The following KAT6B variants were observed in gnomAD, a reference collection of about 807,000 sequenced individuals.
The protein encoded by KAT6B is histone acetyltransferase KAT6B.
In KAT6B, 10 loss-of-function variants were observed where a neutral mutation model predicts 187.5. The observed-to-expected ratio is 0.05, with a 90% CI of 0.03 to 0.09. KAT6B has a LOEUF of 0.09. Ranked by LOEUF, KAT6B falls within the 10% of genes least tolerant of loss-of-function variation. The pLI, the probability that KAT6B is intolerant of heterozygous loss-of-function variation, is 1.00. For missense variants in KAT6B, 1,952 were observed against 2,558.9 expected (o/e 0.76, Z 5.12); for synonymous variants, 861 against 926.8 (o/e 0.93, Z 1.29).
At chr10:74,826,189 C>T (rs1840201450), upstream of KAT6B, among the ~76,000 whole-genome samples, 1 of 152,016 alleles carries the variant, frequency 6.6e-6, no homozygotes, top group African/African-American at 2.4e-5. Context: ...GCGTCGTCTG[C>T]AGCCAATAAG....
Position 74,846,221 on chromosome 10 carries a change from T to C in KAT6B, c.621+2743T>C, listed in dbSNP as rs1197833970. Among the ~76,000 whole-genome samples, 6 of 152,194 alleles carry C rather than the reference T, an allele frequency of 3.9e-5. No individual in the cohort carries two copies. In the East Asian group the frequency reaches 9.7e-4, roughly 25 times the overall value. ...TTAGTCTTCTGCCACATTTATTTGA[T>C]CCTTAGGTGGTTGTTGTGTTTGTGT... is the stretch of plus-strand genomic sequence containing the variant. On this transcript the variant is annotated intron_variant, in intron 3 of 17. Transcript: ENST00000287239.
At chr10:75,020,522 C>T in intron 13 of KAT6B, 60 bp from the exon 14 acceptor site, 1 of 1,160,670 alleles carries the variant, frequency 8.6e-7, no homozygotes, top group Non-Finnish European at 1.3e-6. Flanking sequence ...TCTAGTGGCT[C>T]CTGTTCTAAG....
At chr10:74,861,029 C>T (rs892547215) in intron 3 of KAT6B, among the ~76,000 whole-genome samples, 6 of 151,856 alleles carry the variant, frequency 4.0e-5, no homozygotes, top group Non-Finnish European at 7.4e-5. Flanking sequence ...CCCAGCTACT[C>T]GGGAGGCTGA....
chr10:74,932,351 G>GCT, intron 3 of KAT6B, among the ~76,000 whole-genome samples: 1 of 152,234 alleles, frequency 6.6e-6, no homozygotes, highest in African/African-American at 2.4e-5. Flanking sequence ...AAAACTTAGA[G>GCT]GAGTCAGATA....
intron 13 of KAT6B, among the ~76,000 whole-genome samples, chr10:75,017,474 C>T (rs1181396229): frequency 6.6e-6 from 1 of 152,100 alleles, no homozygotes; most frequent in Non-Finnish European, 1.5e-5. Flanking sequence ...CTTAGCCAGG[C>T]ATGGCCACTG....
chr10:75,005,806 T>C (rs1024469979), intron 13 of KAT6B, among the ~76,000 whole-genome samples: 1 of 152,232 alleles, frequency 6.6e-6, no homozygotes, highest in African/African-American at 2.4e-5. Flanking sequence ...TATGGAGTCC[T>C]GCTTTGAGTT....
At position 74,988,158 on chromosome 10, in the gene KAT6B, G is replaced by A. The variant is rs576094103; in HGVS notation, c.2536-861G>A. On this transcript the variant is annotated intron_variant, in intron 12 of 17. Transcript: ENST00000287239. ...TTTGGTGTGGTCTGTACCATTTGTG[G>A]TCAGTCTTATTTGTGGTTTATATTT... Among the ~76,000 whole-genome samples, 14 of 152,236 alleles carry A rather than the reference G, an allele frequency of 9.2e-5. No homozygotes were observed. In the South Asian group the frequency reaches 2.3e-3, roughly 25 times the overall value.
At chr10:75,018,099 C>T (rs1845113026) in intron 13 of KAT6B, among the ~76,000 whole-genome samples, 1 of 152,202 alleles carries the variant, frequency 6.6e-6, no homozygotes, top group Admixed American at 6.5e-5. Flanking sequence ...TCCCTGCACA[C>T]CCGCCTGCTG....
chr10:74,941,339 A>G (rs1849655421), intron 3 of KAT6B, among the ~76,000 whole-genome samples: 1 of 152,260 alleles, frequency 6.6e-6, no homozygotes, highest in Non-Finnish European at 1.5e-5. Context: ...TAAGATGTCT[A>G]TGTTAGAACC....
At chr10:74,829,208 G>T (rs972518720) in intron 1 of KAT6B, among the ~76,000 whole-genome samples, 5 of 152,174 alleles carry the variant, frequency 3.3e-5, no homozygotes, top group Non-Finnish European at 7.4e-5. Context: ...TGCTTTTGAA[G>T]ATTGGGTGGA....
At chr10:74,925,893 A>G (rs1848464137) in intron 3 of KAT6B, among the ~76,000 whole-genome samples, 1 of 152,054 alleles carries the variant, frequency 6.6e-6, no homozygotes, top group Admixed American at 6.6e-5. Flanking sequence ...GAGCCAGAGC[A>G]GTCGGCAGAA....
rs1234085565 is a variant in KAT6B, at chr10:75,025,167, G to A, written c.3582G>A (p.Gln1194=). Reference sequence around the variant, plus strand: ...AGCCAGTCCTGAGAAAAGCATTCCAGCATCAGCCTGGGAAGAAAAGACAAA... The same window carrying A: ...AGCCAGTCCTGAGAAAAGCATTCCAACATCAGCCTGGGAAGAAAAGACAAA... The part of the protein sequence containing the change: ...GRKPVLRKAF[Q]HQPGKKRQTE... Residue 1194 remains glutamine, a synonymous_variant, in exon 17 of 18, where the codon CAG becomes CAA. Coordinates refer to ENST00000287239, the MANE Select transcript of KAT6B (RefSeq NM_012330.4). 1 of 1,614,190 alleles carries A rather than the reference G, an allele frequency of 6.2e-7. No individual in the cohort carries two copies.
Position 75,032,349 on chromosome 10 carries a change from CAT to C in KAT6B, c.*1304_*1305del, listed in dbSNP as rs1846371479. 1 of 194,468 alleles carries C rather than the reference CAT, an allele frequency of 5.1e-6. No individual in the cohort carries two copies. Among genetic ancestry groups the C allele is most frequent in the African/African-American group, 2.3e-5 (1 of 43,120 alleles). 12.0% of individuals were successfully genotyped at this position (194,468 alleles called of 1,614,324 possible). On this transcript the variant is annotated 3_prime_UTR_variant, in exon 18 of 18. Coordinates refer to ENST00000287239, the MANE Select transcript of KAT6B (RefSeq NM_012330.4). ...TAGAGAATGACCAATGGAACTGTATCATGTGTCACGCCTCAGAACACATACAC... is the reference window on the plus strand; with the variant it reads ...TAGAGAATGACCAATGGAACTGTATCGTGTCACGCCTCAGAACACATACAC...
Position 74,868,309 on chromosome 10 carries a change from A to G in KAT6B, c.621+24831A>G, listed in dbSNP as rs190790754. Among the ~76,000 whole-genome samples the G allele has an allele frequency of 9.8e-5, 15 of 152,300 alleles. No individual in the cohort carries two copies. In the East Asian group the frequency reaches 2.9e-3, roughly 29 times the overall value. ...CGTCTTGAACTCCTGAGCTCAAGCAATCCTCCTGCTTCAGCTTCCCAAATA... is the reference window on the plus strand; with the variant it reads ...CGTCTTGAACTCCTGAGCTCAAGCAGTCCTCCTGCTTCAGCTTCCCAAATA... On this transcript the variant is annotated intron_variant, in intron 3 of 17. Coordinates refer to ENST00000287239, the MANE Select transcript of KAT6B (RefSeq NM_012330.4).
chr10:74,979,114 A>C, intron 9 of KAT6B, 110 bp from the exon 10 acceptor site: 5 of 747,306 alleles, frequency 6.7e-6, no homozygotes. Context: ...GCAAATTCAC[A>C]ATTAAGATTA....
chr10:75,010,985 A>G (rs1844564067), intron 13 of KAT6B, among the ~76,000 whole-genome samples: 1 of 152,186 alleles, frequency 6.6e-6, no homozygotes, highest in African/African-American at 2.4e-5. Context: ...TGTTCGATTA[A>G]GTTTGCCATC....
At chr10:75,000,510 G>A (rs1232567308) in intron 13 of KAT6B, among the ~76,000 whole-genome samples, 4 of 151,970 alleles carry the variant, frequency 2.6e-5, no homozygotes, top group Non-Finnish European at 4.4e-5. Flanking sequence ...GGGGGCAGAC[G>A]GACGTGTAAC....
chr10:75,022,222 A>G lies in KAT6B; in HGVS notation c.3363A>G (p.Ile1121Met), dbSNP rs753745116. The change falls in exon 16 of 18, where the codon ATA becomes ATG. Residue 1121 changes from isoleucine to methionine, a missense_variant. Physicochemically the swap from Ile to Met is conservative, Grantham distance 10. This residue lies in a region of KAT6B where 758 missense variants were observed against 891.4 expected (regional missense o/e 0.85). Transcript: ENST00000287239. ...TGACGAAACCACAGTCAGTTGCCAT[A>G]AAGAGAAAGGTAGGTGTCTGTTTAG... The part of the protein sequence containing the change: ...PRLTKPQSVA[I>M]KRKRPFVLKK... 3.7e-6 allele frequency: 6 copies of G among 1,613,166 alleles called. No homozygotes were observed. The highest frequency in any genetic ancestry group is 4.2e-6 in the Non-Finnish European group (5 of 1,180,022).
At chr10:74,887,874 C>T (rs765211174) in intron 3 of KAT6B, among the ~76,000 whole-genome samples, 206 of 151,764 alleles carry the variant, frequency 1.4e-3, no homozygotes, top group Non-Finnish European at 1.7e-3. Context: ...GTGGGGCATG[C>T]GCCTATAATT....
Sources: allele counts gnomAD v4.1 joint callset (sites outside exome capture counted in the v4.1 genomes callset), GRCh38; gene constraint gnomAD v4.1.1; regional missense constraint gnomAD v4.1.1; transcripts MANE v1.5; gene names NCBI Gene and HGNC (gene_info 2026-07-23, HGNC 2026-07-21).